The following EPHA6 variants were observed in gnomAD, a reference collection of about 807,000 sequenced individuals.
EPHA6 encodes ephrin type-A receptor 6.
Under a neutral mutation model 112.0 loss-of-function variants are expected in EPHA6, and 50 were observed. The observed-to-expected ratio is 0.45, with a 90% CI of 0.36 to 0.56. The LOEUF (loss-of-function observed/expected upper bound fraction) is 0.56, where lower values mean the gene tolerates loss of function less well. EPHA6 is among the 20% of genes least tolerant of loss of function. EPHA6 has a pLI of 0.00. For missense variants in EPHA6, 1,280 were observed against 1,417.4 expected (o/e 0.90, Z 1.56); for synonymous variants, 529 against 490.7 (o/e 1.08, Z -1.03).
chr3:97,195,007 T>C (rs1209525919), intron 3 of EPHA6, among the ~76,000 whole-genome samples: 3 of 152,002 alleles, frequency 2.0e-5, no homozygotes, highest in Admixed American at 6.6e-5. Flanking sequence ...TTTTTTTGTT[T>C]TGTTTTTTAA....
chr3:97,580,056 A>G (rs1330674665), intron 11 of EPHA6, among the ~76,000 whole-genome samples: 1 of 152,234 alleles, frequency 6.6e-6, no homozygotes, highest in Non-Finnish European at 1.5e-5. Context: ...AACTTTAGAC[A>G]TTTATTGGAT....
chr3:97,578,752 T>A (rs1212695407), intron 11 of EPHA6, among the ~76,000 whole-genome samples: 1 of 152,236 alleles, frequency 6.6e-6, no homozygotes, highest in Admixed American at 6.5e-5. Flanking sequence ...ATTCTTACTT[T>A]TTTAACTAGA....
At chr3:97,012,729 G>A (rs1004464883) in intron 3 of EPHA6, among the ~76,000 whole-genome samples, 3 of 150,732 alleles carry the variant, frequency 2.0e-5, no homozygotes, top group African/African-American at 7.3e-5. Flanking sequence ...CAAGTACTGG[G>A]ATTACAGGTA....
chr3:97,307,933 C>T (rs747498406), intron 5 of EPHA6, among the ~76,000 whole-genome samples: 1 of 151,694 alleles, frequency 6.6e-6, no homozygotes, highest in African/African-American at 2.4e-5. Context: ...ATAAACTCAG[C>T]ATTTCCAAAA....
rs145716879 is a variant in EPHA6 at position 97,178,407 on chromosome 3, A to G, written c.1115-47857A>G. ...CACACCACCATTGCAGTGTTATAAC[A>G]TTCTTTGTTTTTCTGTGTACTTAAT... On this transcript the variant is annotated intron_variant, in intron 3 of 17. Coordinates refer to ENST00000389672, the MANE Select transcript of EPHA6 (RefSeq NM_001080448.3). Among the ~76,000 whole-genome samples the G allele has an allele frequency of 7.0e-4, 106 of 152,170 alleles. 1 individual carries two copies. The highest frequency in any genetic ancestry group is 3.4e-3 in the Middle Eastern group (1 of 294).
At chr3:97,504,242 C>A (rs2092191301) in intron 10 of EPHA6, among the ~76,000 whole-genome samples, 1 of 152,038 alleles carries the variant, frequency 6.6e-6, no homozygotes, top group Admixed American at 6.6e-5. Flanking sequence ...AGTTCTTTAT[C>A]TCAGGACCAA....
rs578009581 is a variant in EPHA6 at position 96,933,885 on chromosome 3, G to A, written c.451-53445G>A. On this transcript the variant is annotated intron_variant, in intron 2 of 17. Transcript: ENST00000389672. ...ATGATGATTATCCTGTTGTGTAACA[G>A]GAAATGACCAGATGATAGTTGTCAT... Among the ~76,000 whole-genome samples, 35 of 152,072 alleles carry A rather than the reference G, an allele frequency of 2.3e-4. No homozygotes were observed. The South Asian group carries it at 5.6e-3, about 24-fold the overall frequency.
At chr3:97,604,615 T>C (rs2093666874) in intron 12 of EPHA6, among the ~76,000 whole-genome samples, 1 of 151,638 alleles carries the variant, frequency 6.6e-6, no homozygotes, top group African/African-American at 2.4e-5. Flanking sequence ...ACAAACATTG[T>C]GCTAATTATA....
In EPHA6 at chr3:97,064,404, A is replaced by G. The variant is rs560775672; in HGVS notation, c.1114+76411A>G. Among the ~76,000 whole-genome samples the G allele has an allele frequency of 2.0e-5, 3 of 152,288 alleles. No homozygotes were observed. The East Asian group carries it at 5.8e-4, about 29-fold the overall frequency. On this transcript the variant is annotated intron_variant, in intron 3 of 17. Transcript: ENST00000389672. ...TCTTCCAGAATGCTCTAAAGAGCCAACTTCTCTTTCTTCCTAATATTTACT... is the reference window on the plus strand; with the variant it reads ...TCTTCCAGAATGCTCTAAAGAGCCAGCTTCTCTTTCTTCCTAATATTTACT...
chr3:96,838,177 G>T (rs1455323432), intron 1 of EPHA6, among the ~76,000 whole-genome samples: 1 of 146,584 alleles, frequency 6.8e-6, no homozygotes, highest in East Asian at 2.0e-4. Flanking sequence ...GTGTTTGTTT[G>T]CTGAGGATAA....
intron 3 of EPHA6, among the ~76,000 whole-genome samples, chr3:97,184,182 A>C (rs990998874): frequency 6.6e-6 from 1 of 152,080 alleles, no homozygotes; most frequent in Non-Finnish European, 1.5e-5. Context: ...ATCAAGTTCT[A>C]TTTTAAAGCA....
chr3:97,708,699 A>C (rs2033808186), intron 14 of EPHA6, among the ~76,000 whole-genome samples: 1 of 152,244 alleles, frequency 6.6e-6, no homozygotes, highest in South Asian at 2.1e-4. Flanking sequence ...CTGGAGGCCT[A>C]GGAGTGAAAA....
At chr3:97,142,698 C>G (rs2075943666) in intron 3 of EPHA6, among the ~76,000 whole-genome samples, 1 of 151,678 alleles carries the variant, frequency 6.6e-6, no homozygotes, top group Non-Finnish European at 1.5e-5. Context: ...AAGAAAAGCC[C>G]CAGACCAAAT....
chr3:97,010,183 T>G, intron 3 of EPHA6: 1 of 842,236 alleles, frequency 1.2e-6, no homozygotes, highest in Admixed American at 3.3e-5. Context: ...GACATTGTGT[T>G]GGTATGAAAT....
intron 3 of EPHA6, among the ~76,000 whole-genome samples, chr3:97,172,731 T>A (rs1262306562): frequency 6.6e-6 from 1 of 151,928 alleles, no homozygotes; most frequent in Non-Finnish European, 1.5e-5. Flanking sequence ...AAAGAATTGC[T>A]CTAAAACTTA....
chr3:97,100,426 C>G (rs1231563788), intron 3 of EPHA6, among the ~76,000 whole-genome samples: 1 of 151,632 alleles, frequency 6.6e-6, no homozygotes, highest in African/African-American at 2.4e-5. Context: ...TTCTCAGGTG[C>G]AACCATAATT....
At chr3:97,283,606 G>T (rs903762799) in intron 5 of EPHA6, among the ~76,000 whole-genome samples, 1 of 151,968 alleles carries the variant, frequency 6.6e-6, no homozygotes, top group African/African-American at 2.4e-5. Context: ...AGCCTTTCAG[G>T]GGGGTGAGGG....
At chr3:97,735,796 G>T in intron 15 of EPHA6, 129 bp from the exon 16 acceptor site, 2 of 601,540 alleles carry the variant, frequency 3.3e-6, no homozygotes, top group Non-Finnish European at 5.5e-6. Context: ...CCTTATTTAG[G>T]TCCTTGTACT....
rs183889195 is a variant in EPHA6 at position 96,998,985 on chromosome 3, T to G, written c.1114+10992T>G. On this transcript the variant is annotated intron_variant, in intron 3 of 17. Coordinates refer to ENST00000389672, the MANE Select transcript of EPHA6 (RefSeq NM_001080448.3). ...GTTTTAGTTGTTAACTTTTTCGTTC[T>G]TACTTTTTGTTTCATTTCTGCCTAC... Among the ~76,000 whole-genome samples, 881 of 152,014 alleles carry G rather than the reference T, an allele frequency of 5.8e-3. 6 individuals carry two copies. The highest frequency in any genetic ancestry group is 0.02 in the African/African-American group (822 of 41,548).
Sources: gnomAD v4.1 joint callset for allele counts (sites outside exome capture counted in the v4.1 genomes callset) on GRCh38, gnomAD v4.1.1 for gene constraint, MANE v1.5 for transcripts, NCBI Gene and HGNC (gene_info 2026-07-23, HGNC 2026-07-21) for gene names.